RPL27: variants seen among roughly 807,000 people sequenced by gnomAD.
RPL27 encodes the protein ribosomal protein L27, also known as large ribosomal subunit protein eL27.
For missense variants in RPL27, 131 were observed against 174.3 expected (o/e 0.75, Z 1.40); for synonymous variants, 77 against 61.0 (o/e 1.26, Z -1.22).
At chr17:43,002,171 G>T (rs923641590) in intron 3 of RPL27, among the ~76,000 whole-genome samples, 16 of 151,730 alleles carry the variant, frequency 1.1e-4, no homozygotes, top group African/African-American at 3.9e-4. Flanking sequence ...ATGAAACATT[G>T]AATTTTACAT....
chr17:43,002,912 C>A lies in RPL27; in HGVS notation c.403C>A (p.Arg135=). The A allele has an allele frequency of 6.2e-7, 1 of 1,612,588 alleles. No homozygotes were observed. Among genetic ancestry groups the A allele is most frequent in the Non-Finnish European group, 8.5e-7 (1 of 1,178,764 alleles). Residue 135 remains arginine (R), a synonymous_variant, in exon 5 of 5, where the codon CGG becomes AGG. Transcript: ENST00000253788. ...GAACAAGTGGTTCTTCCAGAAACTG[C>A]GGTTTTAGATGCTTTGTTTTGATCA... ...GKNKWFFQKL[R]F
At chr17:42,999,255 G>C (rs1380985163) in intron 2 of RPL27, 1 of 159,330 alleles carries the variant, frequency 6.3e-6, no homozygotes, top group African/African-American at 2.4e-5. Flanking sequence ...GCTCAAGCGA[G>C]TCTCCCATCT....
intron 1 of RPL27, 90 bp from the exon 2 acceptor site, chr17:42,998,659 C>A: frequency 9.9e-7 from 1 of 1,014,236 alleles, no homozygotes; most frequent in Non-Finnish European, 1.5e-6. Context: ...GAAGTTCCGG[C>A]CCAAGACCTG....
chr17:42,999,800 T>G, intron 2 of RPL27, 133 bp from the exon 3 acceptor site: 1 of 656,502 alleles, frequency 1.5e-6, no homozygotes, highest in Non-Finnish European at 2.7e-6. Flanking sequence ...CATAGCTTTC[T>G]GTGATTTTTC....
Position 42,998,460 on chromosome 17 carries a change from T to G in RPL27, c.-14T>G. On this transcript the variant is annotated 5_prime_UTR_variant, in exon 1 of 5. Coordinates refer to ENST00000253788, the MANE Select transcript of RPL27 (RefSeq NM_000988.5). ...TTTCCTTTTTGCTGGTAGGGCCGGG[T>G]GGTTGCTGCCGGTAAGTAGAAGCTT... 1 of 293,684 alleles carries G rather than the reference T, an allele frequency of 3.4e-6. No homozygotes were observed. Among genetic ancestry groups the G allele is most frequent in the Non-Finnish European group, 6.5e-6 (1 of 153,576 alleles). 18.2% of individuals were successfully genotyped at this position (293,684 alleles called of 1,614,324 possible).
At chr17:43,000,292 T>C (rs2050345738) in intron 3 of RPL27, among the ~76,000 whole-genome samples, 190 bp downstream of exon 3, 1 of 152,172 alleles carries the variant, frequency 6.6e-6, no homozygotes, top group Admixed American at 6.6e-5. Context: ...AAGATTGTTT[T>C]CCATCCACAG....
At chr17:43,002,836 C>T (rs765256599) in intron 4 of RPL27, 36 bp from the exon 5 acceptor site, 11 of 1,609,166 alleles carry the variant, frequency 6.8e-6, no homozygotes, top group Non-Finnish European at 9.4e-6. Flanking sequence ...ATTTCCATTC[C>T]TTTCCTCATT....
At chr17:42,998,655 C>A (rs1243472358) in intron 1 of RPL27, 94 bp from the exon 2 acceptor site, 2 of 963,114 alleles carry the variant, frequency 2.1e-6, no homozygotes, top group Non-Finnish European at 3.3e-6. Context: ...GTCTGAAGTT[C>A]CGGCCCAAGA....
intron 3 of RPL27, among the ~76,000 whole-genome samples, chr17:43,001,405 C>T (rs977281862): frequency 1.1e-4 from 16 of 151,650 alleles, no homozygotes; most frequent in African/African-American, 1.9e-4. Context: ...GCAGGTGGAT[C>T]GCTTGAGGTC....
At chr17:43,002,608 ATTTGGGCTG>A (rs778259390) in intron 3 of RPL27, 56 bp from the exon 4 acceptor site, 6 of 848,666 alleles carry the variant, frequency 7.1e-6, no homozygotes, top group Non-Finnish European at 1.2e-5. Context: ...TCCCACAAGG[ATTTGGGCTG>A]TATAGGGGCC....
At chr17:43,001,963 C>T (rs1159956235) in intron 3 of RPL27, among the ~76,000 whole-genome samples, 1 of 150,532 alleles carries the variant, frequency 6.6e-6, no homozygotes, top group Admixed American at 6.6e-5. Context: ...TGGTGGCAGG[C>T]GCCTGTAGTA....
rs1020900862 is a variant in RPL27 at position 42,999,141 on chromosome 17, CAT to C, written c.81+312_81+313del. On this transcript the variant is annotated intron_variant, in intron 2 of 4. Coordinates refer to ENST00000253788, the MANE Select transcript of RPL27 (RefSeq NM_000988.5). ...TGTCATGTGCAGTCCTTGAAGTAAT[CAT>C]AGGGGATTCCTTTTCTTTTCTTTTC... 25 of 277,720 alleles carry C rather than the reference CAT, an allele frequency of 9.0e-5. No individual in the cohort carries two copies. In the Middle Eastern group the frequency reaches 4.6e-3, roughly 51 times the overall value. 17.2% of individuals were successfully genotyped at this position (277,720 alleles called of 1,614,324 possible).
At chr17:43,001,409 T>C (rs1296220410) in intron 3 of RPL27, among the ~76,000 whole-genome samples, 1 of 147,822 alleles carries the variant, frequency 6.8e-6, no homozygotes, top group African/African-American at 2.6e-5. Context: ...GTGGATCGCT[T>C]GAGGTCAGGA....
At chr17:42,998,998 A>C in intron 2 of RPL27, 167 bp downstream of exon 2, 1 of 586,100 alleles carries the variant, frequency 1.7e-6, no homozygotes, top group East Asian at 3.0e-5. Context: ...AGTAAAAGCA[A>C]ATGTGAGCTG....
At chr17:43,000,209 A>G (rs2050344853) in intron 3 of RPL27, 107 bp downstream of exon 3, 2 of 854,766 alleles carry the variant, frequency 2.3e-6, no homozygotes, top group African/African-American at 3.4e-5. Flanking sequence ...CATTTCCAAA[A>G]TGTTCATCTT....
Position 43,002,892 on chromosome 17 carries a change from A to G in RPL27, c.383A>G (p.Lys128Arg). The change falls in exon 5 of 5, where the codon AAG becomes AGG. Residue 128 changes from lysine (K) to arginine (R), a missense_variant. Physicochemically the swap from Lys to Arg is conservative, Grantham distance 26. Transcript: ENST00000253788. ...FEERYKTGKNKWFFQKLRF is the reference protein window; with the variant it reads ...FEERYKTGKNRWFFQKLRF ...TCTAGATACAAGACAGGCAAGAACA[A>G]GTGGTTCTTCCAGAAACTGCGGTTT... 6.2e-7 allele frequency: 1 copy of G among 1,613,962 alleles called. No individual in the cohort carries two copies. The highest frequency in any genetic ancestry group is 8.5e-7 in the Non-Finnish European group (1 of 1,179,820).
Position 43,002,723 on chromosome 17 carries a change from T to C in RPL27, c.302T>C (p.Phe101Ser), listed in dbSNP as rs2050378470. ...AAAACTGTCGTCAATAAGGATGTCT[T>C]CAGAGATCCTGCTCTTAAACGCAAG... ...LDKTVVNKDV[F>S]RDPALKRKAR... Residue 101 changes from phenylalanine to serine, a missense_variant, in exon 4 of 5, where the codon TTC becomes TCC. Transcript: ENST00000253788. 6.2e-7 allele frequency: 1 copy of C among 1,613,982 alleles called. No individual in the cohort carries two copies. Among genetic ancestry groups the C allele is most frequent in the East Asian group, 2.2e-5 (1 of 44,872 alleles).
At chr17:43,000,481 G>GTTTT (rs140114345) in intron 3 of RPL27, among the ~76,000 whole-genome samples, 2 of 137,074 alleles carry the variant, frequency 1.5e-5, no homozygotes, top group African/African-American at 2.8e-5. Context: ...GTTTTGTTTT[G>GTTTT]TTTTGTTTTT....
At position 42,998,450 on chromosome 17, in the gene RPL27, TA is replaced by T. The variant is rs2050322407; in HGVS notation, c.-23del. The T allele has an allele frequency of 1.5e-5, 4 of 261,236 alleles. No homozygotes were observed. The highest frequency in any genetic ancestry group is 1.1e-4 in the East Asian group (1 of 9,372). 16.2% of individuals were successfully genotyped at this position (261,236 alleles called of 1,614,324 possible). ...AGTGTCCTTCTTTCCTTTTTGCTGG[TA>T]GGGCCGGGTGGTTGCTGCCGGTAAG... On this transcript the variant is annotated 5_prime_UTR_variant, in exon 1 of 5. Transcript: ENST00000253788.
Sources: allele counts gnomAD v4.1 joint callset (sites outside exome capture counted in the v4.1 genomes callset), GRCh38; gene constraint gnomAD v4.1.1; transcripts MANE v1.5; gene names NCBI Gene and HGNC (gene_info 2026-07-23, HGNC 2026-07-21).